FBXO36: variants seen among roughly 807,000 people sequenced by gnomAD.
FBXO36 encodes the protein F-box protein 36, also known as F-box only protein 36.
FBXO36 carries 18 observed loss-of-function variants against 17.0 expected under a neutral mutation model. That is an observed-to-expected ratio of 1.06 (90% confidence interval 0.73 to 1.57). The LOEUF is 1.57. Among genes scored for constraint, FBXO36 ranks in the 40% most tolerant of loss-of-function variants. The pLI is 0.00. For synonymous variants in FBXO36, 83 were observed against 85.3 expected (o/e 0.97, Z 0.15); for missense variants, 229 against 221.9 (o/e 1.03, Z -0.20).
intron 1 of FBXO36, among the ~76,000 whole-genome samples, chr2:229,924,196 G>A (rs975180076): frequency 3.9e-5 from 6 of 152,080 alleles, no homozygotes; most frequent in Admixed American, 1.3e-4. Flanking sequence ...GGGTTCAAGC[G>A]ATTCTCCTGC....
At chr2:229,952,416 C>T (rs1057501152) in intron 1 of FBXO36, among the ~76,000 whole-genome samples, 1 of 152,168 alleles carries the variant, frequency 6.6e-6, no homozygotes, top group African/African-American at 2.4e-5. Flanking sequence ...TCTCTGTATT[C>T]TCTAATCAAG....
chr2:229,925,070 C>CA (rs1221205910), intron 1 of FBXO36, among the ~76,000 whole-genome samples: 1 of 151,824 alleles, frequency 6.6e-6, no homozygotes, highest in Non-Finnish European at 1.5e-5. Context: ...ACCATCCCTT[C>CA]AGTGTTCTTA....
chr2:229,924,997 T>G (rs902205627), intron 1 of FBXO36, among the ~76,000 whole-genome samples: 1 of 152,178 alleles, frequency 6.6e-6, no homozygotes, highest in Non-Finnish European at 1.5e-5. Flanking sequence ...CTCTATCTCC[T>G]GGCATTACAG....
intron 2 of FBXO36, among the ~76,000 whole-genome samples, chr2:229,979,787 C>T (rs1007248700): frequency 5.3e-5 from 8 of 151,846 alleles, no homozygotes; most frequent in Non-Finnish European, 1.2e-4. Context: ...TCATTAACTC[C>T]TTTATGGCAA....
At chr2:229,939,329 G>A (rs1372139761) in intron 1 of FBXO36, 1 of 901,078 alleles carries the variant, frequency 1.1e-6, no homozygotes, top group Admixed American at 6.2e-5. Flanking sequence ...ATCGTGGTAA[G>A]GTCCTCTCGT....
At chr2:229,948,839 T>G (rs954751974) in intron 1 of FBXO36, among the ~76,000 whole-genome samples, 2 of 152,172 alleles carry the variant, frequency 1.3e-5, no homozygotes, top group African/African-American at 2.4e-5. Flanking sequence ...TTTATTTTAT[T>G]TTTTATTTTT....
intron 3 of FBXO36, among the ~76,000 whole-genome samples, chr2:230,003,637 A>G (rs1034599024): frequency 1.3e-5 from 2 of 151,748 alleles, no homozygotes; most frequent in African/African-American, 2.4e-5. Context: ...GGTTCAACTG[A>G]TTCTCCTGCC....
chr2:229,953,183 C>CA (rs2077066243), intron 1 of FBXO36, among the ~76,000 whole-genome samples: 1 of 151,470 alleles, frequency 6.6e-6, no homozygotes, highest in South Asian at 2.1e-4. Context: ...ACTAAAAACA[C>CA]AAAAAATTAG....
At chr2:229,925,851 G>A (rs1446049050) in intron 1 of FBXO36, among the ~76,000 whole-genome samples, 2 of 152,054 alleles carry the variant, frequency 1.3e-5, no homozygotes, top group Non-Finnish European at 2.9e-5. Context: ...TTGATACCAT[G>A]TTGTTTTGGG....
chr2:230,010,364 T>G (rs546313166), intron 3 of FBXO36, among the ~76,000 whole-genome samples: 1 of 152,220 alleles, frequency 6.6e-6, no homozygotes, highest in Non-Finnish European at 1.5e-5. Flanking sequence ...CAGTGACTGA[T>G]GGGACTTGGC....
chr2:229,990,599 TTTG>T (rs1292919080), intron 2 of FBXO36, among the ~76,000 whole-genome samples: 3 of 152,280 alleles, frequency 2.0e-5, no homozygotes, highest in Non-Finnish European at 2.9e-5. Context: ...CTGGTCAAAA[TTTG>T]TTTACTTTTT....
rs188351517 is a variant in FBXO36 at position 229,931,533 on chromosome 2, T to A, written c.96+8924T>A. 2.0e-5 allele frequency among the ~76,000 whole-genome samples: 3 copies of A among 152,310 alleles called. No individual in the cohort carries two copies. The East Asian group carries it at 5.8e-4, about 29-fold the overall frequency. On this transcript the variant is annotated intron_variant, in intron 1 of 3. Transcript: ENST00000283946. ...ACTAGTCTAAGAGATCACTAAGCTT[T>A]ATCCCAACTCTAAAATGATGTTTCA...
intron 3 of FBXO36, among the ~76,000 whole-genome samples, chr2:230,002,143 ATTT>A (rs575725050): frequency 6.7e-6 from 1 of 149,356 alleles, no homozygotes; most frequent in Non-Finnish European, 1.5e-5. Flanking sequence ...GCCTATTGTT[ATTT>A]TTTTTTTAAC....
intron 2 of FBXO36, among the ~76,000 whole-genome samples, chr2:229,987,551 T>C (rs1410999918): frequency 6.6e-6 from 1 of 152,216 alleles, no homozygotes; most frequent in East Asian, 1.9e-4. Flanking sequence ...TCCTTTCTAC[T>C]ACTTTCCTTA....
intron 1 of FBXO36, among the ~76,000 whole-genome samples, chr2:229,925,524 G>A (rs1024301016): frequency 2.6e-5 from 4 of 151,998 alleles, no homozygotes; most frequent in African/African-American, 9.7e-5. Flanking sequence ...ATTATTTCTT[G>A]TACATTTCCT....
At chr2:229,922,696 G>A in intron 1 of FBXO36, 87 bp downstream of exon 1, 4 of 1,402,436 alleles carry the variant, frequency 2.9e-6, no homozygotes, top group Non-Finnish European at 3.0e-6. Flanking sequence ...TAGGCCAAGA[G>A]CAACCGTAGC....
intron 1 of FBXO36, chr2:229,945,096 A>C (rs187486017): frequency 6.6e-6 from 1 of 152,276 alleles, no homozygotes; most frequent in African/African-American, 2.4e-5. Flanking sequence ...TTAGATGTGA[A>C]GCGGTAAACA....
intron 1 of FBXO36, among the ~76,000 whole-genome samples, chr2:229,952,064 A>G (rs1252313605): frequency 6.6e-6 from 1 of 152,136 alleles, no homozygotes; most frequent in Non-Finnish European, 1.5e-5. Flanking sequence ...CTAACAGAAC[A>G]TTTCATAAGT....
intron 1 of FBXO36, among the ~76,000 whole-genome samples, chr2:229,954,542 C>CT (rs1176794800): frequency 0.19 from 14,998 of 78,942 alleles, 2,754 homozygotes; most frequent in Middle Eastern, 0.31. Context: ...TGCACCCGGC[C>CT]TTTTTTTTTT....
Sources: gnomAD v4.1 joint callset for allele counts (sites outside exome capture counted in the v4.1 genomes callset) on GRCh38, gnomAD v4.1.1 for gene constraint, MANE v1.5 for transcripts, NCBI Gene and HGNC (gene_info 2026-07-23, HGNC 2026-07-21) for gene names.